The following CNTN5 variants were observed in gnomAD, a reference collection of about 807,000 sequenced individuals.
CNTN5 encodes the protein contactin-5.
Under a neutral mutation model 129.1 loss-of-function variants are expected in CNTN5, and 77 were observed. The observed-to-expected ratio is 0.60, with a 90% CI of 0.50 to 0.72. The LOEUF is 0.72. CNTN5 is among the 30% of genes least tolerant of loss of function. The probability of loss-of-function intolerance (pLI) is 0.00; values close to 1 mark genes in which losing one functional copy is unlikely to be tolerated. For missense variants in CNTN5, 1,478 were observed against 1,328.8 expected (o/e 1.11, Z -1.75); for synonymous variants, 509 against 465.6 (o/e 1.09, Z -1.20).
intron 2 of CNTN5, among the ~76,000 whole-genome samples, chr11:99,356,369 G>A (rs1401231104): frequency 6.6e-6 from 1 of 152,174 alleles, no homozygotes; most frequent in Non-Finnish European, 1.5e-5. Flanking sequence ...CCAGGCAGGA[G>A]GAAAAGCATA....
At chr11:99,672,167 A>G (rs1230959791) in intron 3 of CNTN5, among the ~76,000 whole-genome samples, 1 of 151,848 alleles carries the variant, frequency 6.6e-6, no homozygotes, top group Admixed American at 6.6e-5. Context: ...CGAAAACCCT[A>G]CTCTGCCCCA....
chr11:100,049,693 C>T (rs1331746521), intron 9 of CNTN5, among the ~76,000 whole-genome samples: 1 of 152,150 alleles, frequency 6.6e-6, no homozygotes, highest in Non-Finnish European at 1.5e-5. Flanking sequence ...AGGCAACCTA[C>T]AAAATGGGAG....
At chr11:99,179,109 C>T (rs988143561) in intron 1 of CNTN5, among the ~76,000 whole-genome samples, 2 of 152,064 alleles carry the variant, frequency 1.3e-5, no homozygotes, top group Non-Finnish European at 2.9e-5. Context: ...TAATTGTATT[C>T]ATTACACTTA....
chr11:100,248,565 A>C (rs996450880), intron 16 of CNTN5, among the ~76,000 whole-genome samples: 5 of 152,130 alleles, frequency 3.3e-5, no homozygotes, highest in African/African-American at 7.2e-5. Context: ...AAAAAGAAAA[A>C]CAAAAAAGCA....
intron 1 of CNTN5, among the ~76,000 whole-genome samples, chr11:99,300,371 G>A (rs1864582169): frequency 6.6e-6 from 1 of 151,848 alleles, no homozygotes; most frequent in Admixed American, 6.6e-5. Context: ...ATCTATCGAG[G>A]TGACCATATG....
At chr11:99,210,978 A>G (rs1859745835) in intron 1 of CNTN5, among the ~76,000 whole-genome samples, 1 of 152,132 alleles carries the variant, frequency 6.6e-6, no homozygotes, top group Non-Finnish European at 1.5e-5. Flanking sequence ...TCAAAGCTCT[A>G]ATAGAACTAT....
At chr11:99,874,509 T>G (rs1948584718) in intron 6 of CNTN5, among the ~76,000 whole-genome samples, 1 of 152,204 alleles carries the variant, frequency 6.6e-6, no homozygotes, top group Non-Finnish European at 1.5e-5. Context: ...TGTTTCTTTT[T>G]GTGTTGTTAG....
intron 3 of CNTN5, among the ~76,000 whole-genome samples, chr11:99,656,441 CA>C (rs1952367579): frequency 6.6e-6 from 1 of 152,056 alleles, no homozygotes; most frequent in Admixed American, 6.6e-5. Flanking sequence ...AATGATGATG[CA>C]AAGCGCCAGG....
intron 1 of CNTN5, among the ~76,000 whole-genome samples, chr11:99,295,955 C>G (rs1330602281): frequency 1.3e-5 from 2 of 151,618 alleles, no homozygotes; most frequent in Admixed American, 6.6e-5. Context: ...AGTTTCTCAC[C>G]TACATTGGGC....
rs148105631 is a variant in CNTN5 at position 99,895,253 on chromosome 11, A to G, written c.578-20801A>G. ...TAGATAAATGTCTGCTAGACCTGGGAATTTGAAAAGGGCTAGTCAATATTG... is the reference window on the plus strand; with the variant it reads ...TAGATAAATGTCTGCTAGACCTGGGGATTTGAAAAGGGCTAGTCAATATTG... On this transcript the variant is annotated intron_variant, in intron 6 of 24. Transcript: ENST00000524871. Among the ~76,000 whole-genome samples, 22 of 152,262 alleles carry G rather than the reference A, an allele frequency of 1.4e-4. No individual in the cohort carries two copies. The East Asian group carries it at 4.1e-3, about 28-fold the overall frequency.
At chr11:99,797,982 A>G (rs759695305) in intron 3 of CNTN5, among the ~76,000 whole-genome samples, 28 of 152,106 alleles carry the variant, frequency 1.8e-4, no homozygotes, top group Non-Finnish European at 3.4e-4. Context: ...TTTACGTTCA[A>G]GGATACCTGT....
intron 1 of CNTN5, among the ~76,000 whole-genome samples, chr11:99,275,605 T>G (rs1369800777): frequency 6.6e-6 from 1 of 151,688 alleles, no homozygotes; most frequent in Admixed American, 6.6e-5. Flanking sequence ...CATGAATCTG[T>G]GAGCAGTTTT....
rs960427711 is a variant in CNTN5, at chr11:99,844,171, T to G, written c.278-681T>G. ...GTCTGGTATATAGTAGGCAATAAAT[T>G]TATGTGCTCTTCCCACTGGCCTCCA... On this transcript the variant is annotated intron_variant, in intron 4 of 24. Transcript: ENST00000524871. Among the ~76,000 whole-genome samples, 32 of 152,368 alleles carry G rather than the reference T, an allele frequency of 2.1e-4. 1 individual carries two copies. The highest frequency in any genetic ancestry group is 1.6e-3 in the Admixed American group (24 of 15,306).
At chr11:99,329,595 G>A (rs1402343197) in intron 2 of CNTN5, among the ~76,000 whole-genome samples, 3 of 152,020 alleles carry the variant, frequency 2.0e-5, no homozygotes, top group Non-Finnish European at 2.9e-5. Context: ...ATCTCTCTGC[G>A]CTAAGCTTAG....
At chr11:99,801,635 T>TA (rs1946116900) in intron 3 of CNTN5, among the ~76,000 whole-genome samples, 1 of 151,940 alleles carries the variant, frequency 6.6e-6, no homozygotes, top group African/African-American at 2.4e-5. Flanking sequence ...AACTCTTTTT[T>TA]AAATTTATGT....
chr11:99,576,444 A>G (rs555125437), intron 3 of CNTN5, among the ~76,000 whole-genome samples: 39 of 152,184 alleles, frequency 2.6e-4, no homozygotes, highest in Non-Finnish European at 4.7e-4. Flanking sequence ...TTATTGACAT[A>G]TAACCCTTTT....
At chr11:99,403,407 G>A (rs957389720) in intron 2 of CNTN5, among the ~76,000 whole-genome samples, 1 of 151,616 alleles carries the variant, frequency 6.6e-6, no homozygotes, top group African/African-American at 2.4e-5. Context: ...ATTTTGGGTG[G>A]GTTTACTCTT....
At chr11:99,043,306 C>A (rs534409318) in intron 1 of CNTN5, among the ~76,000 whole-genome samples, 2 of 132,336 alleles carry the variant, frequency 1.5e-5, no homozygotes, top group East Asian at 2.7e-4. Context: ...CACCACAGTC[C>A]CCAGAGTGTG....
At chr11:100,313,537 A>T (rs1459193708) in intron 21 of CNTN5, among the ~76,000 whole-genome samples, 1 of 152,044 alleles carries the variant, frequency 6.6e-6, no homozygotes, top group East Asian at 1.9e-4. Context: ...TGAATTTTTG[A>T]TGCCTATTAG....
Sources: gnomAD v4.1 joint callset for allele counts (sites outside exome capture counted in the v4.1 genomes callset) on GRCh38, gnomAD v4.1.1 for gene constraint, MANE v1.5 for transcripts, NCBI Gene and HGNC (gene_info 2026-07-23, HGNC 2026-07-21) for gene names.